Variants in MCF2L2 observed in about 807,000 individuals in gnomAD.
The protein encoded by MCF2L2 is MCF.2 cell line derived transforming sequence-like 2, also known as probable guanine nucleotide exchange factor MCF2L2.
MCF2L2 carries 102 observed loss-of-function variants against 150.2 expected under a neutral mutation model. The observed-to-expected ratio is 0.68, with a 90% CI of 0.58 to 0.80. MCF2L2 has a LOEUF of 0.80. Among genes scored for constraint, MCF2L2 ranks in the 30% least tolerant of loss-of-function variants. The pLI is 0.00. For missense variants in MCF2L2, 1,256 were observed against 1,372.8 expected, an observed-to-expected ratio of 0.91 and a Z score of 1.34; for synonymous variants, 465 against 491.3, an observed-to-expected ratio of 0.95 and a Z score of 0.71.
chr3:183,348,322 T>C (rs747906794), intron 3 of MCF2L2, among the ~76,000 whole-genome samples: 3 of 151,310 alleles, frequency 2.0e-5, no homozygotes, highest in Non-Finnish European at 4.4e-5. Context: ...AAACACCACA[T>C]GTTCTCACTC....
intron 14 of MCF2L2, among the ~76,000 whole-genome samples, chr3:183,278,501 T>C (rs1464578): frequency 0.026 from 3,925 of 152,296 alleles, 177 homozygotes; most frequent in African/African-American, 0.087. Flanking sequence ...AACTAATTAA[T>C]ACAGCAGTGA....
intron 3 of MCF2L2, among the ~76,000 whole-genome samples, chr3:183,344,886 T>C (rs1287677441): frequency 2.0e-5 from 3 of 152,164 alleles, no homozygotes; most frequent in Non-Finnish European, 4.4e-5. Flanking sequence ...GTATCCTAAA[T>C]ATATATGCAC....
intron 27 of MCF2L2, among the ~76,000 whole-genome samples, chr3:183,187,757 G>A (rs1004216332): frequency 7.2e-5 from 11 of 152,088 alleles, no homozygotes; most frequent in South Asian, 2.1e-4. Flanking sequence ...GTGAGCCACC[G>A]CGCCCAGCCC....
chr3:183,280,920 T>C (rs1182554640), intron 14 of MCF2L2, among the ~76,000 whole-genome samples: 1 of 151,036 alleles, frequency 6.6e-6, no homozygotes, highest in Non-Finnish European at 1.5e-5. Flanking sequence ...GGTGAAAGTA[T>C]TATTCACTAT....
intron 1 of MCF2L2, among the ~76,000 whole-genome samples, chr3:183,402,599 G>A (rs978373542): frequency 1.3e-5 from 2 of 151,526 alleles, no homozygotes; most frequent in African/African-American, 4.8e-5. Flanking sequence ...CCAGGAGTTC[G>A]AGACAAGCCT....
chr3:183,254,863 T>C (rs1724894244), intron 15 of MCF2L2: 1 of 152,272 alleles, frequency 6.6e-6, no homozygotes, highest in African/African-American at 2.4e-5. Flanking sequence ...ACTCTTTCCT[T>C]TGACTCTGCC....
In MCF2L2 at chr3:183,179,440, C is replaced by G. The variant is rs771052365; in HGVS notation, c.3285G>C (p.Gly1095=). The G allele has an allele frequency of 6.3e-7, 1 of 1,583,840 alleles. No homozygotes were observed. The highest frequency in any genetic ancestry group is 8.6e-7 in the Non-Finnish European group (1 of 1,164,094). ...CCCTCGCCTGGAAACCAGCCGTCGC[C>G]CCCGCAGGAGCCAGCCGGCCCGTGG... ...GASTGRLAPA[G]ATAGFQARAL... The change falls in exon 30 of 30, where the codon GGG becomes GGC. Residue 1095 remains glycine, a synonymous_variant. Transcript: ENST00000328913. This position sits in a 1 kb window ranked among gnomAD's most constrained non-coding sequence, Gnocchi z 4.2.
chr3:183,206,764 G>A (rs1396614718), intron 23 of MCF2L2, among the ~76,000 whole-genome samples: 2 of 152,082 alleles, frequency 1.3e-5, no homozygotes, highest in African/African-American at 2.4e-5. Context: ...CCAGCTACCT[G>A]GGAGGCTGAG....
At chr3:183,391,333 A>T (rs1482290798) in intron 1 of MCF2L2, among the ~76,000 whole-genome samples, 1 of 151,562 alleles carries the variant, frequency 6.6e-6, no homozygotes, top group Non-Finnish European at 1.5e-5. Flanking sequence ...GATCCCCTTC[A>T]ATGAATTCCC....
intron 15 of MCF2L2, among the ~76,000 whole-genome samples, chr3:183,233,168 T>C (rs1207337674): frequency 6.6e-6 from 1 of 152,066 alleles, no homozygotes; most frequent in Non-Finnish European, 1.5e-5. Flanking sequence ...CTGGCCAACA[T>C]GGTGAAACCC....
chr3:183,361,123 G>C (rs1473567534), intron 3 of MCF2L2, among the ~76,000 whole-genome samples: 1 of 86,804 alleles, frequency 1.2e-5, no homozygotes, highest in Non-Finnish European at 2.0e-5. Flanking sequence ...AAAAGAAAAA[G>C]AAAAGAAAAA....
In MCF2L2 at chr3:183,321,419, T is replaced by C. The variant is rs1390089626; in HGVS notation, c.603+1816A>G. Among the ~76,000 whole-genome samples the C allele has an allele frequency of 7.5e-5, 10 of 133,764 alleles. No individual in the cohort carries two copies. The Admixed American group carries it at 8.2e-4, about 11-fold the overall frequency. The allele number at this position is 133,764 out of a possible 152,430, so 87.8% of individuals were successfully genotyped here. A position where few individuals can be genotyped will look rare whatever the true frequency, so the allele number is the denominator to read the frequency against. ...TGCCACTGCACTCCAGTCTGGGTGA[T>C]AGAGCAAGACTCTGTCTCAAAAAAA... is the stretch of plus-strand genomic sequence containing the variant. On this transcript the variant is annotated intron_variant, in intron 6 of 29. Coordinates refer to ENST00000328913, the MANE Select transcript of MCF2L2 (RefSeq NM_015078.4).
At chr3:183,289,682 C>A (rs996500003) in intron 13 of MCF2L2, among the ~76,000 whole-genome samples, 2 of 152,138 alleles carry the variant, frequency 1.3e-5, no homozygotes, top group African/African-American at 4.8e-5. Flanking sequence ...ATGGTGAAAT[C>A]CCGTCTCTAT....
chr3:183,341,717 C>T, intron 3 of MCF2L2, 87 bp from the exon 4 acceptor site: 1 of 864,642 alleles, frequency 1.2e-6, no homozygotes, highest in Non-Finnish European at 2.0e-6. Context: ...CCTGAAGCCT[C>T]CACAGCACTC....
rs1158850091 is a variant in MCF2L2 at position 183,230,983 on chromosome 3, T to C, written c.1897A>G (p.Ile633Val). 6.2e-7 allele frequency: 1 copy of C among 1,613,938 alleles called. No individual in the cohort carries two copies. The highest frequency in any genetic ancestry group is 1.7e-5 in the Admixed American group (1 of 60,008). The change falls in exon 16 of 30, where the codon ATT (isoleucine) becomes GTT (valine). Residue 633 changes from isoleucine (I) to valine (V), a missense_variant. Physicochemically the swap from Ile to Val is conservative, Grantham distance 29. Transcript: ENST00000328913. ...ATGCTTTTAATCTCTTTTATGTAAA[T>C]CTCTTCAGTCTCAAGCAAGTCACGT... ...IIRDLLETEE[I>V]YIKEIKSIID...
intron 5 of MCF2L2, among the ~76,000 whole-genome samples, chr3:183,333,139 C>T (rs1730334833): frequency 6.6e-6 from 1 of 152,072 alleles, no homozygotes; most frequent in African/African-American, 2.4e-5. Context: ...CTCCGCCTCC[C>T]AGGTTCAAGC....
At chr3:183,245,778 C>A (rs1198354243) in intron 15 of MCF2L2, among the ~76,000 whole-genome samples, 1 of 152,092 alleles carries the variant, frequency 6.6e-6, no homozygotes, top group Non-Finnish European at 1.5e-5. Flanking sequence ...ATATTGAAAC[C>A]AATGACATTT....
chr3:183,409,861 C>T (rs1317699706), intron 1 of MCF2L2, among the ~76,000 whole-genome samples: 2 of 151,918 alleles, frequency 1.3e-5, no homozygotes, highest in Non-Finnish European at 2.9e-5. Context: ...CAGCCAATAA[C>T]ATCATTTTAA....
intron 22 of MCF2L2, among the ~76,000 whole-genome samples, chr3:183,212,505 C>G (rs1377633537): frequency 6.6e-6 from 1 of 152,136 alleles, no homozygotes; most frequent in African/African-American, 2.4e-5. Context: ...CACTTTCACA[C>G]CTGGGCATTC....
Sources: gnomAD v4.1 joint callset for allele counts (sites outside exome capture counted in the v4.1 genomes callset) on GRCh38, gnomAD v4.1.1 for gene constraint, Gnocchi (gnomAD v3.1) non-coding constraint, MANE v1.5 for transcripts, NCBI Gene and HGNC (gene_info 2026-07-23, HGNC 2026-07-21) for gene names.